Variants in MYO1C observed in about 807,000 individuals in gnomAD.
MYO1C encodes unconventional myosin-Ic.
MYO1C carries 104 observed loss-of-function variants against 150.8 expected under a neutral mutation model. The ratio of observed to expected loss-of-function variants is 0.69; its 90% CI spans 0.59 to 0.81. MYO1C has a LOEUF of 0.81. Among genes scored for constraint, MYO1C ranks in the 30% least tolerant of loss-of-function variants. The probability of loss-of-function intolerance (pLI) is 0.00; values close to 1 mark genes in which losing one functional copy is unlikely to be tolerated. For missense variants in MYO1C, 1,504 were observed against 1,435.0 expected (o/e 1.05, Z -0.78); for synonymous variants, 663 against 579.9 (o/e 1.14, Z -2.06).
Position 1,471,076 on chromosome 17 carries a change from C to T in MYO1C, c.2207G>A (p.Ser736Asn), listed in dbSNP as rs758760106. ...TEDALEVRRQ[S>N]LATKIQAAWR... The stretch of plus-strand genomic sequence containing the variant: ...AGGGTAGGCCTCTCTCTCACCCAGG[C>T]TCTGCCGCCGGACCTCCAGGGCATC... Residue 736 changes from serine (S) to asparagine (N), a missense_variant, in exon 21 of 32, where the codon AGC becomes AAC. Physicochemically the swap from Ser to Asn is conservative, Grantham distance 46. Coordinates refer to ENST00000648651, the MANE Select transcript of MYO1C (RefSeq NM_001080779.2). 32 of 1,613,944 alleles carry T rather than the reference C, an allele frequency of 2.0e-5. No homozygotes were observed. Among genetic ancestry groups the T allele is most frequent in the Non-Finnish European group, 2.6e-5 (31 of 1,179,972 alleles).
rs2074166662 is a variant in MYO1C, at chr17:1,466,171, T to G, written c.3166-419A>C. Among the ~76,000 whole-genome samples the G allele has an allele frequency of 2.7e-5, 4 of 148,518 alleles. 1 individual carries two copies. The highest frequency in any genetic ancestry group is 1.0e-4 in the African/African-American group (4 of 40,104). On this transcript the variant is annotated intron_variant, in intron 31 of 31. Coordinates refer to ENST00000648651, the MANE Select transcript of MYO1C (RefSeq NM_001080779.2). ...GTGCTGCCTTTTTTTTTTTTTTTTTTTTTTTGAGACAGGGTCTCATTTTGT... is the reference window on the plus strand; with the variant it reads ...GTGCTGCCTTTTTTTTTTTTTTTTTGTTTTTGAGACAGGGTCTCATTTTGT...
At position 1,483,688 on chromosome 17, in the gene MYO1C, T is replaced by A. The variant is rs2074587251; in HGVS notation, c.269A>T (p.Tyr90Phe). 1 of 1,613,132 alleles carries A rather than the reference T, an allele frequency of 6.2e-7. No individual in the cohort carries two copies. The highest frequency in any genetic ancestry group is 1.1e-5 in the South Asian group (1 of 90,870). ...CCGGCTGTAGATCTGCAGGTCCCGG[T>A]AGGGATTGACAGAGACCAGGACGGG... ...IGPVLVSVNPYRDLQIYSRQH... is the reference protein window; with the variant it reads ...IGPVLVSVNPFRDLQIYSRQH... The change falls in exon 3 of 32, where the codon TAC becomes TTC. Residue 90 changes from tyrosine (Y) to phenylalanine (F), a missense_variant. Transcript: ENST00000648651.
chr17:1,469,361 G>GGGGTAAATAGAGTAGACCA (rs1162573182), intron 25 of MYO1C, 170 bp downstream of exon 25: 11 of 667,540 alleles, frequency 1.6e-5, no homozygotes, highest in South Asian at 1.1e-4. Context: ...ACGGTAGACT[G>GGGGTAAATAGAGTAGACCA]GGGTAAATAG....
At chr17:1,477,791 A>C in intron 13 of MYO1C, 100 bp downstream of exon 13, 1 of 1,245,798 alleles carries the variant, frequency 8.0e-7, no homozygotes, top group Non-Finnish European at 1.2e-6. Flanking sequence ...ACTCAGCCCC[A>C]AACTCTGGCC....
chr17:1,491,547 C>A (rs2150972108), intron 1 of MYO1C: 2 of 855,664 alleles, frequency 2.3e-6, no homozygotes, highest in South Asian at 1.1e-4. Flanking sequence ...CCCGGCCGCC[C>A]GCTCCCCACA....
In MYO1C at chr17:1,465,894, T is replaced by C. The variant is rs1161845750; in HGVS notation, c.3166-142A>G. The C allele has an allele frequency of 7.1e-6, 4 of 565,748 alleles. No homozygotes were observed. In the East Asian group the frequency reaches 1.0e-4, roughly 14 times the overall value. 35.0% of individuals were successfully genotyped at this position (565,748 alleles called of 1,614,324 possible). On this transcript the variant is annotated intron_variant, in intron 31 of 31. Coordinates refer to ENST00000648651, the MANE Select transcript of MYO1C (RefSeq NM_001080779.2). Reference sequence around the variant, plus strand: ...ATTGTCCAGGCTGGTCTTGGACTCCTGGGCTCAAGCTGTCCTCCCACCTCT... The same window carrying C: ...ATTGTCCAGGCTGGTCTTGGACTCCCGGGCTCAAGCTGTCCTCCCACCTCT...
At chr17:1,480,909 G>A in intron 5 of MYO1C, 24 bp from the exon 6 acceptor site, 1 of 1,612,456 alleles carries the variant, frequency 6.2e-7, no homozygotes, top group Non-Finnish European at 8.5e-7. Flanking sequence ...AGGGCATGAG[G>A]CCGGGTCACG....
In MYO1C at chr17:1,468,039, T is replaced by C. The variant is rs756615341; in HGVS notation, c.2845A>G (p.Ile949Val). Residue 949 changes from isoleucine to valine, a missense_variant, in exon 28 of 32, where the codon ATC (isoleucine) becomes GTC (valine). By Grantham distance (29) the Ile-to-Val change is conservative. Coordinates refer to ENST00000648651, the MANE Select transcript of MYO1C (RefSeq NM_001080779.2). ...QLLLTPNAVV[I>V]VEDAKVKQRI... Reference sequence around the variant, plus strand: ...TGCTTGACTTTGGCGTCCTCCACGATGACGACGGCGTTGGGCGTGAGCAGC... The same window carrying C: ...TGCTTGACTTTGGCGTCCTCCACGACGACGACGGCGTTGGGCGTGAGCAGC... The C allele has an allele frequency of 5.0e-6, 8 of 1,613,098 alleles. No homozygotes were observed. Among genetic ancestry groups the C allele is most frequent in the Middle Eastern group, 1.6e-4 (1 of 6,062 alleles).
chr17:1,485,361 CG>C, intron 1 of MYO1C: 1 of 1,087,322 alleles, frequency 9.2e-7, no homozygotes, highest in Non-Finnish European at 1.1e-6. Context: ...GATTTCTGGC[CG>C]GGGGCCTGCC....
In MYO1C at chr17:1,492,442, C is replaced by T; in HGVS notation, c.46G>A (p.Val16Met). 6.2e-7 allele frequency: 1 copy of T among 1,607,850 alleles called. No homozygotes were observed. ...TTGCAGGGCCTGTGGGGATGAACCACGCGGATGATCTCCCCGGTGGGTACC... is the reference window on the plus strand; with the variant it reads ...TTGCAGGGCCTGTGGGGATGAACCATGCGGATGATCTCCCCGGTGGGTACC... The part of the protein sequence containing the change: ...ELVPTGEIIR[V>M]VHPHRPCKLA... Residue 16 changes from valine (V) to methionine (M), a missense_variant, in exon 1 of 32, where the codon GTG (valine) becomes ATG (methionine). Physicochemically the swap from Val to Met is conservative, Grantham distance 21. Transcript: ENST00000648651.
chr17:1,472,302 C>A, intron 17 of MYO1C, 74 bp from the exon 18 acceptor site: 1 of 1,329,362 alleles, frequency 7.5e-7, no homozygotes, highest in South Asian at 1.2e-5. Flanking sequence ...GAGTACCCCA[C>A]TCCCCTGGCT....
In MYO1C at chr17:1,477,592, T is replaced by G. The variant is rs2074425379; in HGVS notation, c.1487A>C (p.Glu496Ala). The change falls in exon 14 of 32, where the codon GAG (glutamate) becomes GCG (alanine). Residue 496 changes from glutamate to alanine, a missense_variant. Transcript: ENST00000648651. ...KFKGIISILD[E>A]ECLRPGEATD... ...GGCCTCCCCGGGGCGCAGACACTCC[T>G]CATCCTGGGGGGTGTGGCACAGGGG... 6.2e-7 allele frequency: 1 copy of G among 1,612,574 alleles called. No individual in the cohort carries two copies. Among genetic ancestry groups the G allele is most frequent in the Non-Finnish European group, 8.5e-7 (1 of 1,179,300 alleles).
At chr17:1,474,210 C>T (rs564115620) in intron 17 of MYO1C, among the ~76,000 whole-genome samples, 4 of 152,008 alleles carry the variant, frequency 2.6e-5, no homozygotes, top group Admixed American at 2.0e-4. Context: ...GTGGATCACC[C>T]GAGGTCAGGA....
At chr17:1,473,485 G>A (rs11654497) in intron 17 of MYO1C, among the ~76,000 whole-genome samples, 48,833 of 151,018 alleles carry the variant, frequency 0.32, 9,646 homozygotes, top group Non-Finnish European at 0.44. Flanking sequence ...CGGCAGCAGC[G>A]GGCAGGGGCA....
intron 17 of MYO1C, among the ~76,000 whole-genome samples, chr17:1,473,185 G>T (rs1256832857): frequency 1.3e-5 from 2 of 152,122 alleles, no homozygotes; most frequent in Non-Finnish European, 2.9e-5. Context: ...GGGTGACAGA[G>T]CGAGACTCCG....
intron 24 of MYO1C, 31 bp downstream of exon 24, chr17:1,470,144 G>A: frequency 1.9e-6 from 3 of 1,595,988 alleles, no homozygotes; most frequent in Admixed American, 1.7e-5. Context: ...TACTATGATG[G>A]TCCCTAACTT....
chr17:1,483,159 G>T lies in MYO1C; in HGVS notation c.348-100C>A. 1.2e-5 allele frequency: 14 copies of T among 1,199,234 alleles called. No homozygotes were observed. The South Asian group carries it at 1.9e-4, about 16-fold the overall frequency. 74.3% of individuals were successfully genotyped at this position (1,199,234 alleles called of 1,614,324 possible). A position where few individuals can be genotyped will look rare whatever the true frequency, so the allele number is the denominator to read the frequency against. On this transcript the variant is annotated intron_variant, in intron 3 of 31. Coordinates refer to ENST00000648651, the MANE Select transcript of MYO1C (RefSeq NM_001080779.2). ...TGGGTGGAGTCCTCTTGTGGGAGTCGAATACACCCTTGAGGATGGGGACTG... is the reference window on the plus strand; with the variant it reads ...TGGGTGGAGTCCTCTTGTGGGAGTCTAATACACCCTTGAGGATGGGGACTG...
chr17:1,467,988 C>A lies in MYO1C; in HGVS notation c.2896G>T (p.Gly966Ter), dbSNP rs776661712. Reference sequence around the variant, plus strand: ...CCTGCAGCCCTGGACCCTGGCTGACCGGTCAGGTTGGCGTAATCAATCCTC... The same window carrying A: ...CCTGCAGCCCTGGACCCTGGCTGACAGGTCAGGTTGGCGTAATCAATCCTC... ...KQRIDYANLT[G>*]ISVSSLSDSL... is the part of the protein sequence containing the mutation. The change falls in exon 28 of 32, where the codon GGA becomes TGA. Residue 966 changes from glycine to a stop codon, truncating the protein, a stop_gained and splice_region_variant. Transcript: ENST00000648651. LOFTEE classifies it high-confidence loss of function. 6.2e-7 allele frequency: 1 copy of A among 1,612,894 alleles called. No individual in the cohort carries two copies.
At position 1,478,630 on chromosome 17, in the gene MYO1C, A is replaced by G. The variant is rs997672975; in HGVS notation, c.1198T>C (p.Ser400Pro). The change falls in exon 10 of 32, where the codon TCG (serine) becomes CCG (proline). Residue 400 changes from serine (S) to proline (P), a missense_variant. By Grantham distance (74) the Ser-to-Pro change is moderately conservative. Transcript: ENST00000648651. The surrounding 1 kb of genome is among the most constrained non-coding windows in gnomAD (Gnocchi z 6.3). ...FTWLVGKINR[S>P]LASKDVESPS... Reference sequence around the variant, plus strand: ...CGAGCCCTCACCTTGGAGGCCAGCGACCTGTTGATCTTCCCGACGAGCCAG... The same window carrying G: ...CGAGCCCTCACCTTGGAGGCCAGCGGCCTGTTGATCTTCCCGACGAGCCAG... The G allele has an allele frequency of 2.5e-6, 4 of 1,613,822 alleles. No individual in the cohort carries two copies. Among genetic ancestry groups the G allele is most frequent in the Non-Finnish European group, 3.4e-6 (4 of 1,179,996 alleles).
Sources: allele counts gnomAD v4.1 joint callset (sites outside exome capture counted in the v4.1 genomes callset), GRCh38; gene constraint gnomAD v4.1.1; non-coding constraint Gnocchi (gnomAD v3.1); transcripts MANE v1.5; gene names NCBI Gene and HGNC (gene_info 2026-07-23, HGNC 2026-07-21).